SMO: variants seen among roughly 807,000 people sequenced by gnomAD.
The protein encoded by SMO is protein smoothened.
Under a neutral mutation model 81.6 loss-of-function variants are expected in SMO, and 40 were observed. The ratio of observed to expected loss-of-function variants is 0.49; its 90% CI spans 0.38 to 0.64. SMO has a LOEUF of 0.64. SMO is among the 30% of genes least tolerant of loss of function. SMO has a pLI of 0.00. For missense variants in SMO, 916 were observed against 1,061.1 expected, an observed-to-expected ratio of 0.86 and a Z score of 1.90; for synonymous variants, 434 against 432.1, an observed-to-expected ratio of 1.00 and a Z score of -0.05.
intron 1 of SMO, among the ~76,000 whole-genome samples, chr7:129,196,327 TTGTGTGTGTGTG>T (rs57674265): frequency 6.9e-6 from 1 of 145,028 alleles, no homozygotes; most frequent in African/African-American, 2.6e-5. Flanking sequence ...CTATTCTTGA[TTGTGTGTGTGTG>T]TGTGTGTGTG....
rs1198242947 is a variant in SMO at position 129,206,605 on chromosome 7, C to T, written c.1264+18C>T. On this transcript the variant is annotated intron_variant, in intron 6 of 11. Transcript: ENST00000249373. This position sits in a 1 kb window ranked among gnomAD's most constrained non-coding sequence, Gnocchi z 4.4. The stretch of plus-strand genomic sequence containing the variant: ...CATCCGAGGTGAGTGAAGACCAGGC[C>T]AGGACCAGTTGGGCAACAAAATATA... The T allele has an allele frequency of 6.2e-7, 1 of 1,612,772 alleles. No individual in the cohort carries two copies. Among genetic ancestry groups the T allele is most frequent in the Non-Finnish European group, 8.5e-7 (1 of 1,179,242 alleles).
chr7:129,206,941 T>C lies in SMO; in HGVS notation c.1264+354T>C, dbSNP rs962017897. ...CTCACTGCAACCTTCGCCTCCTGGG[T>C]TCAAGTGATTCTCCTGCCTCACCCT... On this transcript the variant is annotated intron_variant, in intron 6 of 11. Coordinates refer to ENST00000249373, the MANE Select transcript of SMO (RefSeq NM_005631.5). The surrounding 1 kb of genome is among the most constrained non-coding windows in gnomAD (Gnocchi z 4.4). 2.6e-5 allele frequency among the ~76,000 whole-genome samples: 4 copies of C among 152,112 alleles called. No individual in the cohort carries two copies. The highest frequency in any genetic ancestry group is 4.4e-5 in the Non-Finnish European group (3 of 68,032).
rs2150649295 is a variant in SMO at position 129,205,721 on chromosome 7, G to A, written c.859G>A (p.Asp287Asn). The part of the protein sequence containing the change: ...GSIGWLAQFM[D>N]GARREIVCRA... ...CATTGGCTGGCTGGCCCAGTTCATG[G>A]ATGGTGCCCGCCGAGAGATCGTCTG... The change falls in exon 4 of 12, where the codon GAT becomes AAT. Residue 287 changes from aspartate (D) to asparagine (N), a missense_variant. Around this residue, in one of 4 missense-constraint regions of SMO, gnomAD observed 436 missense variants for 570.9 expected, o/e 0.76. Coordinates refer to ENST00000249373, the MANE Select transcript of SMO (RefSeq NM_005631.5). 6.2e-7 allele frequency: 1 copy of A among 1,612,294 alleles called. No individual in the cohort carries two copies. Among genetic ancestry groups the A allele is most frequent in the Non-Finnish European group, 8.5e-7 (1 of 1,180,032 alleles).
In SMO at chr7:129,208,610, C is replaced by G. The variant is rs1342667816; in HGVS notation, c.1265-149C>G. On this transcript the variant is annotated intron_variant, in intron 6 of 11. Coordinates refer to ENST00000249373, the MANE Select transcript of SMO (RefSeq NM_005631.5). The surrounding 1 kb of genome is among the most constrained non-coding windows in gnomAD (Gnocchi z 5.2). ...CTGCCCTGGTCTTCTCACCATTTCT[C>G]CAGTGTCTCTAGCTCCCCAGGTTTT... 1 of 599,550 alleles carries G rather than the reference C, an allele frequency of 1.7e-6. No homozygotes were observed. The highest frequency in any genetic ancestry group is 1.8e-5 in the African/African-American group (1 of 54,232). 37.1% of individuals were successfully genotyped at this position (599,550 alleles called of 1,614,324 possible).
chr7:129,210,971 T>C lies in SMO; in HGVS notation c.1659T>C (p.Thr553=), dbSNP rs1475749520. ...LIWRRTWCRL[T]GQSDDEPKRI... ...CTATCCCTTCTGCTCTCAGGTTGAC[T>C]GGGCAGAGTGACGATGAGCCAAAGC... Residue 553 remains threonine, a synonymous_variant, in exon 10 of 12, where the codon ACT becomes ACC. Coordinates refer to ENST00000249373, the MANE Select transcript of SMO (RefSeq NM_005631.5). The surrounding 1 kb of genome is among the most constrained non-coding windows in gnomAD (Gnocchi z 4.7). 4 of 1,607,222 alleles carry C rather than the reference T, an allele frequency of 2.5e-6. No homozygotes were observed. In the South Asian group the frequency reaches 3.3e-5, roughly 13 times the overall value.
chr7:129,203,084 C>T (rs1340722145), intron 1 of SMO, among the ~76,000 whole-genome samples: 2 of 152,224 alleles, frequency 1.3e-5, no homozygotes, highest in Non-Finnish European at 1.5e-5. Flanking sequence ...AGAGGTTCCT[C>T]TCCAGGCTCC....
At position 129,208,864 on chromosome 7, in the gene SMO, G is replaced by A. The variant is rs202165205; in HGVS notation, c.1357+13G>A. The stretch of plus-strand genomic sequence containing the variant: ...ATGCTGCGCCTGGGTGAGTGGCCCC[G>A]GGGGACTTCGGTCTGAGGTCCTGGC... On this transcript the variant is annotated intron_variant, in intron 7 of 11. Coordinates refer to ENST00000249373, the MANE Select transcript of SMO (RefSeq NM_005631.5). This position sits in a 1 kb window ranked among gnomAD's most constrained non-coding sequence, Gnocchi z 5.2. 22 of 1,596,522 alleles carry A rather than the reference G, an allele frequency of 1.4e-5. No individual in the cohort carries two copies. Among genetic ancestry groups the A allele is most frequent in the Middle Eastern group, 1.7e-4 (1 of 6,042 alleles).
At position 129,205,422 on chromosome 7, in the gene SMO, G is replaced by T; in HGVS notation, c.747+10G>T. The T allele has an allele frequency of 2.5e-6, 4 of 1,604,424 alleles. No individual in the cohort carries two copies. Among genetic ancestry groups the T allele is most frequent in the Non-Finnish European group, 3.4e-6 (4 of 1,175,022 alleles). ...CACGCTCTTCACCCTGGTCAGCCGC[G>T]GGAGGGCAGGCCCGGGGGGCCCTCA... On this transcript the variant is annotated intron_variant, in intron 3 of 11. Transcript: ENST00000249373.
chr7:129,210,438 C>G lies in SMO; in HGVS notation c.1542C>G (p.Ser514Arg), dbSNP rs1187720431. 1.2e-5 allele frequency: 19 copies of G among 1,614,012 alleles called. No individual in the cohort carries two copies. The highest frequency in any genetic ancestry group is 2.2e-5 in the East Asian group (1 of 44,892). ...ACTGTGAGATCAAGAATCGCCCGAG[C>G]CTTCTGGTGGAGAAGATCAACCTGT... ...IPDCEIKNRP[S>R]LLVEKINLFA... Residue 514 changes from serine (S) to arginine (R), a missense_variant, in exon 9 of 12, where the codon AGC becomes AGG. Around this residue, in one of 4 missense-constraint regions of SMO, gnomAD observed 436 missense variants for 570.9 expected, o/e 0.76. Transcript: ENST00000249373. This position sits in a 1 kb window ranked among gnomAD's most constrained non-coding sequence, Gnocchi z 4.7.
rs1793905685 is a variant in SMO at position 129,213,037 on chromosome 7, C to G, written c.*586C>G. The G allele has an allele frequency of 4.0e-6, 1 of 252,800 alleles. No individual in the cohort carries two copies. The highest frequency in any genetic ancestry group is 2.2e-5 in the African/African-American group (1 of 45,744). The allele number at this position is 252,800 out of a possible 1,614,324, so 15.7% of individuals were successfully genotyped here. A position where few individuals can be genotyped will look rare whatever the true frequency, so the allele number is the denominator to read the frequency against. On this transcript the variant is annotated 3_prime_UTR_variant, in exon 12 of 12. Transcript: ENST00000249373. ...CCTCTCTTAATAGGTGGCACTACCC[C>G]AAACCCATCTTTTGTTCTCCTATAT...
In SMO at chr7:129,189,843, A is replaced by G. The variant is rs893064226; in HGVS notation, c.331+361A>G. Among the ~76,000 whole-genome samples, 1 of 152,138 alleles carries G rather than the reference A, an allele frequency of 6.6e-6. No homozygotes were observed. The highest frequency in any genetic ancestry group is 2.4e-5 in the African/African-American group (1 of 41,426). On this transcript the variant is annotated intron_variant, in intron 1 of 11. Transcript: ENST00000249373. This position sits in a 1 kb window ranked among gnomAD's most constrained non-coding sequence, Gnocchi z 4.7. ...TGGAAGCAGGGTGCCGGGGGATTCA[A>G]GGAGGTGTTGAAGACCCTGGGGAAA...
rs2150657111 is a variant in SMO at position 129,212,332 on chromosome 7, C to G, written c.2245C>G (p.Leu749Val). ...GCCCAGTCCCCCTCAGGATCCATTTCTGCCCAGTGCACCGGCCCCCGTGGC... is the reference window on the plus strand; with the variant it reads ...GCCCAGTCCCCCTCAGGATCCATTTGTGCCCAGTGCACCGGCCCCCGTGGC... ...PEPSPPQDPF[L>V]PSAPAPVAWA... The change falls in exon 12 of 12, where the codon CTG becomes GTG. Residue 749 changes from leucine (L) to valine (V), a missense_variant. This residue lies in a region of SMO where 324 missense variants were observed against 312.9 expected (regional missense o/e 1.04). Transcript: ENST00000249373. The surrounding 1 kb of genome is among the most constrained non-coding windows in gnomAD (Gnocchi z 5.0). 5.6e-6 allele frequency: 9 copies of G among 1,614,198 alleles called. No individual in the cohort carries two copies. The highest frequency in any genetic ancestry group is 7.6e-6 in the Non-Finnish European group (9 of 1,180,038).
At position 129,189,591 on chromosome 7, in the gene SMO, ACC is replaced by A. The variant is rs1408941558; in HGVS notation, c.331+111_331+112del. Reference sequence around the variant, plus strand: ...GAGTTTTGGAGAGGGCGGGGACAGCACCCGGGAGAGTTGGAGGGACAGATCCC... The same window carrying A: ...GAGTTTTGGAGAGGGCGGGGACAGCACGGGAGAGTTGGAGGGACAGATCCC... On this transcript the variant is annotated intron_variant, in intron 1 of 11. Transcript: ENST00000249373. The surrounding 1 kb of genome is among the most constrained non-coding windows in gnomAD (Gnocchi z 4.7). 5.7e-6 allele frequency: 7 copies of A among 1,232,244 alleles called. No individual in the cohort carries two copies. Among genetic ancestry groups the A allele is most frequent in the Non-Finnish European group, 6.7e-6 (6 of 897,200 alleles). 76.3% of individuals were successfully genotyped at this position (1,232,244 alleles called of 1,614,324 possible).
chr7:129,212,678 G>A lies in SMO; in HGVS notation c.*227G>A, dbSNP rs751752622. 2.7e-4 allele frequency: 152 copies of A among 568,920 alleles called. 2 individuals carry two copies. The highest frequency in any genetic ancestry group is 4.3e-4 in the Non-Finnish European group (137 of 321,718). 35.2% of individuals were successfully genotyped at this position (568,920 alleles called of 1,614,324 possible). A position where few individuals can be genotyped will look rare whatever the true frequency, so the allele number is the denominator to read the frequency against. ...CCAGGGACAGGGCCCTGGAGCTCAG[G>A]GTCCTTGTTTCTGCCCTGCCAGCTG... On this transcript the variant is annotated 3_prime_UTR_variant, in exon 12 of 12. Transcript: ENST00000249373. This position sits in a 1 kb window ranked among gnomAD's most constrained non-coding sequence, Gnocchi z 5.0.
chr7:129,208,991 T>G lies in SMO; in HGVS notation c.1357+140T>G, dbSNP rs1166910697. The G allele has an allele frequency of 1.5e-5, 10 of 647,992 alleles. No homozygotes were observed. The highest frequency in any genetic ancestry group is 2.2e-5 in the Non-Finnish European group (8 of 359,586). 40.1% of individuals were successfully genotyped at this position (647,992 alleles called of 1,614,324 possible). Reference sequence around the variant, plus strand: ...GACAAGGACAAGGGGTGTGTGTAGGTGGTAGTGGTAGTGGCAGCTCAAAAG... The same window carrying G: ...GACAAGGACAAGGGGTGTGTGTAGGGGGTAGTGGTAGTGGCAGCTCAAAAG... On this transcript the variant is annotated intron_variant, in intron 7 of 11. Transcript: ENST00000249373. This position sits in a 1 kb window ranked among gnomAD's most constrained non-coding sequence, Gnocchi z 5.2.
Position 129,189,510 on chromosome 7 carries a change from G to C in SMO, c.331+28G>C. 3 of 1,533,938 alleles carry C rather than the reference G, an allele frequency of 2.0e-6. No individual in the cohort carries two copies. The highest frequency in any genetic ancestry group is 1.7e-6 in the Non-Finnish European group (2 of 1,146,208). ...AAGTGCGGCGGAGCCGGGTCTGGGG[G>C]GCGGGAGGTGCCGCGGTAAGATGGG... On this transcript the variant is annotated intron_variant, in intron 1 of 11. Transcript: ENST00000249373. This position sits in a 1 kb window ranked among gnomAD's most constrained non-coding sequence, Gnocchi z 4.7.
Position 129,210,897 on chromosome 7 carries a change from G to C in SMO, c.1653-68G>C, listed in dbSNP as rs2150654392. 6.6e-7 allele frequency: 1 copy of C among 1,509,870 alleles called. No homozygotes were observed. The highest frequency in any genetic ancestry group is 8.9e-7 in the Non-Finnish European group (1 of 1,117,376). 93.5% of individuals were successfully genotyped at this position (1,509,870 alleles called of 1,614,324 possible). A position where few individuals can be genotyped will look rare whatever the true frequency, so the allele number is the denominator to read the frequency against. On this transcript the variant is annotated intron_variant, in intron 9 of 11. Coordinates refer to ENST00000249373, the MANE Select transcript of SMO (RefSeq NM_005631.5). The surrounding 1 kb of genome is among the most constrained non-coding windows in gnomAD (Gnocchi z 4.7). ...TTCTCTGGAAAGAATGGCATCGCTGGCCCTTCCCAAGATTTGATGGGAAGT... is the reference window on the plus strand; with the variant it reads ...TTCTCTGGAAAGAATGGCATCGCTGCCCCTTCCCAAGATTTGATGGGAAGT...
intron 7 of SMO, 193 bp downstream of exon 7, chr7:129,209,044 C>T (rs963114767): frequency 6.6e-5 from 41 of 617,366 alleles, no homozygotes; most frequent in Non-Finnish European, 1.1e-4. Flanking sequence ...GGGAAGAATT[C>T]AGTCAAGTTC....
chr7:129,205,197 T>C lies in SMO; in HGVS notation c.538-6T>C, dbSNP rs2150648019. 9.3e-6 allele frequency: 15 copies of C among 1,613,786 alleles called. No individual in the cohort carries two copies. The highest frequency in any genetic ancestry group is 1.3e-5 in the Non-Finnish European group (15 of 1,179,692). On this transcript the variant is annotated splice_region_variant and splice_polypyrimidine_tract_variant and intron_variant, in intron 2 of 11. Coordinates refer to ENST00000249373, the MANE Select transcript of SMO (RefSeq NM_005631.5). Reference sequence around the variant, plus strand: ...TGACACCGTCTTTTCCCATCCCTGGTGCCAGAATGAGGTGCAGAACATCAA... The same window carrying C: ...TGACACCGTCTTTTCCCATCCCTGGCGCCAGAATGAGGTGCAGAACATCAA...
Sources: gnomAD v4.1 joint callset for allele counts (sites outside exome capture counted in the v4.1 genomes callset) on GRCh38, gnomAD v4.1.1 for gene constraint, gnomAD v4.1.1 regional missense constraint, Gnocchi (gnomAD v3.1) non-coding constraint, MANE v1.5 for transcripts, NCBI Gene and HGNC (gene_info 2026-07-23, HGNC 2026-07-21) for gene names.